Variants in NUP160 observed in about 807,000 individuals in gnomAD.
NUP160 encodes the protein nuclear pore complex protein Nup160.
A neutral mutation model predicts 196.9 loss-of-function variants in NUP160; 94 were observed. The observed-to-expected ratio is 0.48, with a 90% CI of 0.40 to 0.57. The LOEUF (loss-of-function observed/expected upper bound fraction) is 0.57, where lower values mean the gene tolerates loss of function less well. Ranked by LOEUF, NUP160 falls within the 20% of genes least tolerant of loss-of-function variation. The pLI, the probability that NUP160 is intolerant of heterozygous loss-of-function variation, is 0.00. For missense variants in NUP160, 1,638 were observed against 1,748.3 expected, an observed-to-expected ratio of 0.94 and a Z score of 1.13; for synonymous variants, 605 against 619.7, an observed-to-expected ratio of 0.98 and a Z score of 0.35.
At chr11:47,783,331 A>C in intron 33 of NUP160, 133 bp from the exon 34 acceptor site, 1 of 1,154,816 alleles carries the variant, frequency 8.7e-7, no homozygotes, top group African/African-American at 1.6e-5. Flanking sequence ...TGGTTTACTC[A>C]TCTGTATCTT....
chr11:47,812,160 A>T (rs776218552), exon 17 of NUP160: 5 of 1,614,070 alleles, frequency 3.1e-6, no homozygotes, highest in Non-Finnish European at 4.2e-6. Flanking sequence ...CTCTGCACAC[A>T]ATATACCCTG....
intron 21 of NUP160, 80 bp downstream of exon 21, chr11:47,804,469 T>C (rs567753022): frequency 1.1e-6 from 1 of 890,812 alleles, no homozygotes; most frequent in East Asian, 2.8e-5. Context: ...TAAAATGCAG[T>C]TAACATTTAC....
intron 7 of NUP160, among the ~76,000 whole-genome samples, chr11:47,830,494 T>TG (rs1355623570): frequency 2.6e-5 from 4 of 152,150 alleles, no homozygotes; most frequent in Non-Finnish European, 5.9e-5. Flanking sequence ...GAATAAAACA[T>TG]GGTACATATA....
rs113643151 is a variant in NUP160, at chr11:47,803,556, C to T, written c.2677-20G>A. 3 of 1,348,120 alleles carry T rather than the reference C, an allele frequency of 2.2e-6. No homozygotes were observed. The highest frequency in any genetic ancestry group is 3.4e-5 in the Admixed American group (2 of 59,138). 83.5% of individuals were successfully genotyped at this position (1,348,120 alleles called of 1,614,324 possible). A position where few individuals can be genotyped will look rare whatever the true frequency, so the allele number is the denominator to read the frequency against. ...ATAATCCTTAAAGGCATAAAAGGTG[C>T]TTTCTGATTAGAAAATAAATGTTAC... On this transcript the variant is annotated intron_variant, in intron 21 of 35. Coordinates refer to ENST00000378460, the Ensembl canonical transcript of NUP160.
At chr11:47,798,919 G>A (rs932111719) in intron 23 of NUP160, among the ~76,000 whole-genome samples, 2 of 148,906 alleles carry the variant, frequency 1.3e-5, no homozygotes, top group Admixed American at 6.7e-5. Flanking sequence ...TGACCAACAC[G>A]GCGAGACCCC....
exon 7 of NUP160, chr11:47,835,738 A>G: frequency 1.9e-6 from 3 of 1,607,000 alleles, no homozygotes; most frequent in Non-Finnish European, 2.5e-6. Context: ...GTCCAGTTCC[A>G]GCAGTAAGCC....
At chr11:47,817,273 T>C (rs1225557679) in intron 11 of NUP160, among the ~76,000 whole-genome samples, 2 of 151,784 alleles carry the variant, frequency 1.3e-5, no homozygotes, top group African/African-American at 2.4e-5. Flanking sequence ...TGTGAGTCAC[T>C]ACCGTTGGCC....
At chr11:47,785,017 A>G in exon 33 of NUP160, 2 of 1,600,224 alleles carry the variant, frequency 1.2e-6, no homozygotes. Flanking sequence ...TGGACTTTGT[A>G]CCTCTCCAGG....
chr11:47,784,011 AAAAAAC>A (rs1329835242), intron 33 of NUP160, among the ~76,000 whole-genome samples: 3 of 151,884 alleles, frequency 2.0e-5, no homozygotes, highest in African/African-American at 7.3e-5. Flanking sequence ...TACCTTAAAA[AAAAAAC>A]AAAAACAAAA....
exon 34 of NUP160, chr11:47,783,124 T>A: frequency 6.2e-7 from 1 of 1,614,094 alleles, no homozygotes; most frequent in Non-Finnish European, 8.5e-7. Flanking sequence ...CCACATATTC[T>A]GACACCAAAT....
At chr11:47,811,676 A>T (rs4752868) in intron 17 of NUP160, among the ~76,000 whole-genome samples, 141,264 of 152,134 alleles carry the variant, frequency 0.93, 66,498 homozygotes, top group East Asian at 1. Flanking sequence ...TATGTTTTTT[A>T]AAATCTACTG....
At chr11:47,843,792 C>T (rs1226364711) in intron 2 of NUP160, among the ~76,000 whole-genome samples, 3 of 152,154 alleles carry the variant, frequency 2.0e-5, no homozygotes, top group Non-Finnish European at 4.4e-5. Context: ...TCTAGGTGAT[C>T]TCATTCAGTA....
intron 8 of NUP160, 61 bp downstream of exon 8, chr11:47,822,026 G>C: frequency 1.7e-6 from 2 of 1,148,496 alleles, no homozygotes; most frequent in Non-Finnish European, 2.6e-6. Context: ...TACCATAACA[G>C]AGTTAGTCAA....
intron 35 of NUP160, 47 bp from the exon 36 acceptor site, chr11:47,779,241 A>G: frequency 8.2e-7 from 1 of 1,225,664 alleles, no homozygotes; most frequent in Non-Finnish European, 1.2e-6. Flanking sequence ...TCAACAATGG[A>G]AAAATATTGA....
chr11:47,806,359 A>G (rs779753218), intron 19 of NUP160, 47 bp from the exon 20 acceptor site: 5 of 1,438,106 alleles, frequency 3.5e-6, no homozygotes, highest in African/African-American at 2.8e-5. Context: ...GTAATTATCA[A>G]TTTTCAATTA....
At chr11:47,791,244 C>A (rs75459127) in intron 29 of NUP160, among the ~76,000 whole-genome samples, 1 of 152,146 alleles carries the variant, frequency 6.6e-6, no homozygotes, top group Non-Finnish European at 1.5e-5. Flanking sequence ...CTACAGTAGA[C>A]ATCAAGCAGT....
rs1852117712 is a variant in NUP160 at position 47,833,694 on chromosome 11, T to C, written c.1101+1957A>G. Among the ~76,000 whole-genome samples the C allele has an allele frequency of 2.0e-5, 3 of 152,022 alleles. No individual in the cohort carries two copies. The South Asian group carries it at 6.2e-4, about 31-fold the overall frequency. On this transcript the variant is annotated intron_variant, in intron 7 of 35. Transcript: ENST00000378460. ...GTTAACATAGCAGGCCTGAGGCTGCTCTCCTTAGAAAGTCTTGCTTGTACT... is the reference window on the plus strand; with the variant it reads ...GTTAACATAGCAGGCCTGAGGCTGCCCTCCTTAGAAAGTCTTGCTTGTACT...
At chr11:47,843,746 G>A (rs1021949984) in intron 2 of NUP160, among the ~76,000 whole-genome samples, 2 of 152,310 alleles carry the variant, frequency 1.3e-5, no homozygotes, top group Admixed American at 6.5e-5. Flanking sequence ...GACAATAATA[G>A]TGCAGAAGGT....
intron 17 of NUP160, among the ~76,000 whole-genome samples, chr11:47,810,152 G>C (rs2097680282): frequency 6.6e-6 from 1 of 151,900 alleles, no homozygotes. Context: ...TTTCAGGAAA[G>C]GTTCATTTTT....
Sources: gnomAD v4.1 joint callset for allele counts (sites outside exome capture counted in the v4.1 genomes callset) on GRCh38, gnomAD v4.1.1 for gene constraint, MANE v1.5 for transcripts, NCBI Gene and HGNC (gene_info 2026-07-23, HGNC 2026-07-21) for gene names.